Variants in PARD3 observed in about 807,000 individuals in gnomAD.
PARD3 encodes par-3 family cell polarity regulator.
PARD3 carries 75 observed loss-of-function variants against 155.4 expected under a neutral mutation model. That is an observed-to-expected ratio of 0.48 (90% confidence interval 0.40 to 0.58). The LOEUF is 0.58. Ranked by LOEUF, PARD3 falls within the 20% of genes least tolerant of loss-of-function variation. PARD3 has a pLI of 0.00. For synonymous variants in PARD3, 576 were observed against 610.5 expected, an observed-to-expected ratio of 0.94 and a Z score of 0.83; for missense variants, 1,642 against 1,721.7, an observed-to-expected ratio of 0.95 and a Z score of 0.82.
chr10:34,465,852 A>G (rs546196578), intron 4 of PARD3, among the ~76,000 whole-genome samples: 6 of 152,256 alleles, frequency 3.9e-5, no homozygotes, highest in South Asian at 2.1e-4. Context: ...AGATTCTTCT[A>G]AGAGCTCATT....
chr10:34,688,141 T>C (rs1050487710), intron 2 of PARD3, among the ~76,000 whole-genome samples: 1 of 152,142 alleles, frequency 6.6e-6, no homozygotes, highest in Non-Finnish European at 1.5e-5. Flanking sequence ...GCCTGAGCCA[T>C]GGCGCCTGGC....
intron 7 of PARD3, among the ~76,000 whole-genome samples, chr10:34,395,424 T>C (rs1843222212): frequency 6.6e-6 from 1 of 152,186 alleles, no homozygotes; most frequent in Non-Finnish European, 1.5e-5. Context: ...AGGTAAATGT[T>C]TTTCTACTAA....
At chr10:34,330,528 C>G (rs933198985) in intron 19 of PARD3, among the ~76,000 whole-genome samples, 2 of 151,926 alleles carry the variant, frequency 1.3e-5, no homozygotes, top group Admixed American at 6.6e-5. Flanking sequence ...TTTAAGATCA[C>G]AGATTATTAC....
At chr10:34,374,740 G>T (rs1316017587) in intron 11 of PARD3, 134 bp downstream of exon 11, 2 of 827,742 alleles carry the variant, frequency 2.4e-6, no homozygotes, top group Admixed American at 4.6e-5. Context: ...TTTGTATTCA[G>T]TGAGGGCTGA....
At chr10:34,393,995 G>A (rs937677775) in intron 7 of PARD3, among the ~76,000 whole-genome samples, 3 of 151,678 alleles carry the variant, frequency 2.0e-5, no homozygotes, top group Non-Finnish European at 4.4e-5. Context: ...ACATCACCAC[G>A]CCCAGCTAAT....
intron 22 of PARD3, among the ~76,000 whole-genome samples, chr10:34,261,825 G>GAAAGAAAGAAACAAAC (rs1238097146): frequency 2.0e-4 from 28 of 138,880 alleles, no homozygotes; most frequent in East Asian, 4.4e-4. Flanking sequence ...AAGAAAGAAA[G>GAAAGAAAGAAACAAAC]AAACAAACAA....
At chr10:34,134,203 G>A (rs1339986186) in intron 22 of PARD3, among the ~76,000 whole-genome samples, 2 of 152,200 alleles carry the variant, frequency 1.3e-5, no homozygotes, top group African/African-American at 4.8e-5. Context: ...GTGTAGGCAT[G>A]AGTGAGGATG....
chr10:34,152,669 T>C (rs1173474092), intron 22 of PARD3, among the ~76,000 whole-genome samples: 1 of 152,198 alleles, frequency 6.6e-6, no homozygotes, highest in African/African-American at 2.4e-5. Context: ...ACTTTATGTT[T>C]TTTTCAAAAG....
intron 2 of PARD3, among the ~76,000 whole-genome samples, chr10:34,596,404 G>A (rs981934926): frequency 4.6e-5 from 7 of 152,024 alleles, no homozygotes; most frequent in East Asian, 1.9e-4. Context: ...AGGTTTAATC[G>A]ACTCACAATT....
At chr10:34,481,280 G>A (rs1258471859) in intron 3 of PARD3, among the ~76,000 whole-genome samples, 1 of 151,988 alleles carries the variant, frequency 6.6e-6, no homozygotes, top group African/African-American at 2.4e-5. Flanking sequence ...GTAGGCCCCA[G>A]TGTGTGTTCA....
intron 22 of PARD3, among the ~76,000 whole-genome samples, chr10:34,151,870 T>C (rs1374525738): frequency 6.6e-6 from 1 of 152,216 alleles, no homozygotes; most frequent in East Asian, 1.9e-4. Context: ...ATAGTAAAAG[T>C]AGATTGCAAG....
intron 2 of PARD3, among the ~76,000 whole-genome samples, chr10:34,606,045 T>C (rs2496719): frequency 0.33 from 31,550 of 94,268 alleles, 5,745 homozygotes; most frequent in African/African-American, 0.56. Flanking sequence ...ATATATATCT[T>C]CTATATATAT....
intron 23 of PARD3, among the ~76,000 whole-genome samples, chr10:34,121,096 A>C (rs1291318858): frequency 1.3e-5 from 2 of 152,034 alleles, no homozygotes; most frequent in African/African-American, 4.8e-5. Context: ...GAAAAGAAAG[A>C]AAAGAAAAAA....
rs368607489 is a variant in PARD3 at position 34,398,896 on chromosome 10, T to A, written c.890+434A>T. ...AGGTTTTTAACAATAAAAAAACTCA[T>A]AAAATTGAAGAACTAAACACAAATT... On this transcript the variant is annotated intron_variant, in intron 7 of 24. Transcript: ENST00000374788. Among the ~76,000 whole-genome samples, 6 of 152,300 alleles carry A rather than the reference T, an allele frequency of 3.9e-5. No homozygotes were observed. In the East Asian group the frequency reaches 9.6e-4, roughly 24 times the overall value.
chr10:34,779,452 T>A (rs1207762352), intron 1 of PARD3, among the ~76,000 whole-genome samples: 1 of 147,810 alleles, frequency 6.8e-6, no homozygotes, highest in African/African-American at 2.5e-5. Flanking sequence ...CCACTAAAAA[T>A]AAAAAAAAAA....
chr10:34,388,964 A>G (rs1842618212), intron 7 of PARD3, among the ~76,000 whole-genome samples: 1 of 152,138 alleles, frequency 6.6e-6, no homozygotes, highest in African/African-American at 2.4e-5. Flanking sequence ...TATAGGGTTT[A>G]GGGTTATGTG....
chr10:34,334,657 A>G (rs978426830), intron 18 of PARD3, among the ~76,000 whole-genome samples: 1 of 151,756 alleles, frequency 6.6e-6, no homozygotes, highest in Admixed American at 6.6e-5. Flanking sequence ...TCAACAGACC[A>G]AGTATTTTGA....
chr10:34,339,064 C>T (rs1836509695), intron 16 of PARD3, among the ~76,000 whole-genome samples: 1 of 152,124 alleles, frequency 6.6e-6, no homozygotes, highest in African/African-American at 2.4e-5. Context: ...AAACACACTT[C>T]TAAAAGTAAA....
chr10:34,640,587 A>G (rs1376591314), intron 2 of PARD3, among the ~76,000 whole-genome samples: 7 of 151,808 alleles, frequency 4.6e-5, no homozygotes, highest in African/African-American at 1.4e-4. Flanking sequence ...GCATGCGCCT[A>G]TAGTCCCAGC....
Sources: gnomAD v4.1 joint callset for allele counts (sites outside exome capture counted in the v4.1 genomes callset) on GRCh38, gnomAD v4.1.1 for gene constraint, MANE v1.5 for transcripts, NCBI Gene and HGNC (gene_info 2026-07-23, HGNC 2026-07-21) for gene names.